The following SLCO3A1 variants were observed in gnomAD, a reference collection of about 807,000 sequenced individuals.
SLCO3A1 encodes PGE1 transporter.
Under a neutral mutation model 63.1 loss-of-function variants are expected in SLCO3A1, and 27 were observed. The ratio of observed to expected loss-of-function variants is 0.43; its 90% CI spans 0.32 to 0.59. The LOEUF (loss-of-function observed/expected upper bound fraction) is 0.59, where lower values mean the gene tolerates loss of function less well. Among genes scored for constraint, SLCO3A1 ranks in the 20% least tolerant of loss-of-function variants. SLCO3A1 has a pLI of 0.09. For missense variants in SLCO3A1, 773 were observed against 945.8 expected (o/e 0.82, Z 2.40); for synonymous variants, 473 against 409.9 (o/e 1.15, Z -1.86).
intron 2 of SLCO3A1, among the ~76,000 whole-genome samples, chr15:91,927,135 C>G (rs569913006): frequency 2.0e-5 from 3 of 152,176 alleles, no homozygotes; most frequent in African/African-American, 7.2e-5. Context: ...AATGCATTCT[C>G]AGCGGCATTG....
At chr15:91,927,388 G>T (rs1241017903) in intron 2 of SLCO3A1, among the ~76,000 whole-genome samples, 3 of 151,950 alleles carry the variant, frequency 2.0e-5, no homozygotes, top group African/African-American at 7.3e-5. Context: ...AATTTTCCAT[G>T]TGTTCTTACT....
Position 91,921,840 on chromosome 15 carries a change from G to A in SLCO3A1, c.646+5382G>A, listed in dbSNP as rs148790568. ...TGCCTCCTGGGTTCAAGTGATTCTC[G>A]TGCCTCATCCTCCCGAGTAGCTGAG... On this transcript the variant is annotated intron_variant, in intron 2 of 9. Coordinates refer to ENST00000318445, the MANE Select transcript of SLCO3A1 (RefSeq NM_013272.4). 2.2e-3 allele frequency among the ~76,000 whole-genome samples: 336 copies of A among 151,336 alleles called. 1 individual carries two copies. The highest frequency in any genetic ancestry group is 4.5e-3 in the Admixed American group (69 of 15,174).
At chr15:92,166,920 T>C (rs1268699353), downstream of SLCO3A1, among the ~76,000 whole-genome samples, 1 of 152,166 alleles carries the variant, frequency 6.6e-6, no homozygotes, top group Non-Finnish European at 1.5e-5. Flanking sequence ...ACCTGTGCAG[T>C]CTGCTCTAAG....
intron 2 of SLCO3A1, among the ~76,000 whole-genome samples, chr15:91,949,458 C>T (rs901463079): frequency 6.6e-6 from 1 of 152,032 alleles, no homozygotes; most frequent in Non-Finnish European, 1.5e-5. Context: ...GGCGAAACCC[C>T]ATCCCTACTA....
chr15:92,032,669 A>G (rs1379328522), intron 2 of SLCO3A1, among the ~76,000 whole-genome samples: 1 of 152,052 alleles, frequency 6.6e-6, no homozygotes, highest in African/African-American at 2.4e-5. Context: ...GGTAGGTTGG[A>G]GTGGGCAGCA....
chr15:92,128,224 C>G (rs2047948868), intron 6 of SLCO3A1, 127 bp from the exon 7 acceptor site: 2 of 1,130,922 alleles, frequency 1.8e-6, no homozygotes, highest in Non-Finnish European at 2.6e-6. Context: ...AAGGGAGAAC[C>G]AGGTAACAAT....
At chr15:91,984,142 G>T (rs540476742) in intron 2 of SLCO3A1, among the ~76,000 whole-genome samples, 1 of 152,288 alleles carries the variant, frequency 6.6e-6, no homozygotes, top group East Asian at 1.9e-4. Flanking sequence ...GTGCTTTCCT[G>T]TTTAATTGCT....
rs1429119109 is a variant in SLCO3A1, at chr15:91,916,055, C to T, written c.243C>T (p.Ile81=). The change falls in exon 2 of 10, where the codon ATC becomes ATT. Residue 81 remains isoleucine (I), a synonymous_variant. Transcript: ENST00000318445. This position sits in a 1 kb window ranked among gnomAD's most constrained non-coding sequence, Gnocchi z 6.2. ...FNLQSADVGV[I]ASSFEIGNLA... is the part of the protein sequence containing the mutation. ...TGCAGAGCGCTGACGTGGGTGTGAT[C>T]GCTAGCAGCTTCGAGATCGGGAACC... 6.2e-7 allele frequency: 1 copy of T among 1,613,252 alleles called. No homozygotes were observed. Among genetic ancestry groups the T allele is most frequent in the African/African-American group, 1.3e-5 (1 of 74,916 alleles).
chr15:92,078,730 G>A (rs2047308422), intron 2 of SLCO3A1, among the ~76,000 whole-genome samples: 2 of 152,086 alleles, frequency 1.3e-5, no homozygotes, highest in Admixed American at 1.3e-4. Context: ...TCATCTCTCT[G>A]TGTCTCAGTT....
rs1389414449 is a variant in SLCO3A1, at chr15:91,950,669, T to C, written c.646+34211T>C. ...CCCGCTGTTTATTTAATGTACATGT[T>C]GTCTGACTTCATTTGGTTCTGTATT... On this transcript the variant is annotated intron_variant, in intron 2 of 9. Transcript: ENST00000318445. This position sits in a 1 kb window ranked among gnomAD's most constrained non-coding sequence, Gnocchi z 4.4. Among the ~76,000 whole-genome samples the C allele has an allele frequency of 2.0e-5, 3 of 152,248 alleles. No individual in the cohort carries two copies. The highest frequency in any genetic ancestry group is 4.4e-5 in the Non-Finnish European group (3 of 68,036).
chr15:92,109,422 T>C (rs1174475059), intron 4 of SLCO3A1, among the ~76,000 whole-genome samples: 3 of 152,216 alleles, frequency 2.0e-5, no homozygotes, highest in African/African-American at 7.2e-5. Flanking sequence ...CCTAAAAAGA[T>C]GGGTCTTCCA....
intron 2 of SLCO3A1, among the ~76,000 whole-genome samples, chr15:92,074,315 C>A (rs549813311): frequency 6.6e-6 from 1 of 152,230 alleles, no homozygotes; most frequent in Admixed American, 6.5e-5. Flanking sequence ...TCAGTTAACA[C>A]CAACCCGAAA....
intron 3 of SLCO3A1, among the ~76,000 whole-genome samples, chr15:92,095,837 GC>G (rs1196768572): frequency 6.6e-6 from 1 of 152,128 alleles, no homozygotes; most frequent in Non-Finnish European, 1.5e-5. Context: ...CCTGACCCCA[GC>G]TTGCACAGTT....
chr15:92,145,718 G>A, intron 7 of SLCO3A1, among the ~76,000 whole-genome samples: 1 of 152,152 alleles, frequency 6.6e-6, no homozygotes, highest in East Asian at 1.9e-4. Context: ...GGGATCTTCT[G>A]GGAATTACAA....
intron 2 of SLCO3A1, among the ~76,000 whole-genome samples, chr15:92,089,443 C>T (rs2047445815): frequency 6.6e-6 from 1 of 152,176 alleles, no homozygotes; most frequent in Admixed American, 6.5e-5. Flanking sequence ...TGGTACTGCT[C>T]CTGATATCAT....
intron 2 of SLCO3A1, among the ~76,000 whole-genome samples, chr15:92,079,801 T>C (rs1337532059): frequency 6.6e-6 from 1 of 152,240 alleles, no homozygotes; most frequent in East Asian, 1.9e-4. Flanking sequence ...CCTGCAGAGC[T>C]TTGAAGCCTG....
At chr15:92,147,538 C>T (rs575984288) in intron 8 of SLCO3A1, among the ~76,000 whole-genome samples, 59 of 152,298 alleles carry the variant, frequency 3.9e-4, no homozygotes, top group African/African-American at 1.3e-3. Context: ...GGCATTTTCC[C>T]CCTAGACTTG....
chr15:92,119,167 A>G (rs572445736), intron 4 of SLCO3A1, among the ~76,000 whole-genome samples: 2 of 152,294 alleles, frequency 1.3e-5, no homozygotes, highest in South Asian at 4.1e-4. Flanking sequence ...AATTTAGGAG[A>G]CTTGGCTGAA....
At chr15:91,926,557 CCGTGTGTGTG>C (rs1419260050) in intron 2 of SLCO3A1, among the ~76,000 whole-genome samples, 3 of 54,350 alleles carry the variant, frequency 5.5e-5, no homozygotes, top group African/African-American at 3.1e-4. Context: ...TCCTGCCAAG[CCGTGTGTGTG>C]TGTGTGTGTG....
Sources: gnomAD v4.1 joint callset for allele counts (sites outside exome capture counted in the v4.1 genomes callset) on GRCh38, gnomAD v4.1.1 for gene constraint, Gnocchi (gnomAD v3.1) non-coding constraint, MANE v1.5 for transcripts, NCBI Gene and HGNC (gene_info 2026-07-23, HGNC 2026-07-21) for gene names.